Variants in SUSD3 observed in about 807,000 individuals in gnomAD.
The protein encoded by SUSD3 is sushi domain containing 3.
A neutral mutation model predicts 20.6 loss-of-function variants in SUSD3; 18 were observed. That is an observed-to-expected ratio of 0.87 (90% CI 0.60 to 1.30). SUSD3 has a LOEUF of 1.30. Ranked by LOEUF, SUSD3 falls within the 50% of genes most tolerant of loss-of-function variation. The pLI is 0.00. For synonymous variants in SUSD3, 137 were observed against 141.5 expected, an observed-to-expected ratio of 0.97 and a Z score of 0.23; for missense variants, 306 against 346.9, an observed-to-expected ratio of 0.88 and a Z score of 0.94.
intron 1 of SUSD3, among the ~76,000 whole-genome samples, chr9:93,061,409 G>A (rs1298565933): frequency 2.6e-5 from 4 of 152,278 alleles, no homozygotes; most frequent in Non-Finnish European, 5.9e-5. Flanking sequence ...AAGAGCTGCT[G>A]GTAGAAGGCA....
chr9:93,076,921 G>C (rs1269683864), intron 2 of SUSD3, among the ~76,000 whole-genome samples: 1 of 152,236 alleles, frequency 6.6e-6, no homozygotes, highest in South Asian at 2.1e-4. Context: ...GGGCCAAAGA[G>C]CAGGCCCCAG....
intron 1 of SUSD3, among the ~76,000 whole-genome samples, chr9:93,059,672 C>T (rs1220288213): frequency 2.6e-5 from 4 of 152,150 alleles, no homozygotes; most frequent in Admixed American, 1.3e-4. Context: ...GGCTAAGGCT[C>T]TGCGCAGGAG....
chr9:93,078,212 A>G (rs950064004), intron 3 of SUSD3, among the ~76,000 whole-genome samples: 1 of 152,222 alleles, frequency 6.6e-6, no homozygotes, highest in Non-Finnish European at 1.5e-5. Context: ...TGGGCCCCCA[A>G]GGCCCTGCTC....
intron 4 of SUSD3, among the ~76,000 whole-genome samples, chr9:93,080,610 C>T (rs1050988895): frequency 6.6e-6 from 1 of 152,260 alleles, no homozygotes; most frequent in African/African-American, 2.4e-5. Flanking sequence ...ATGGGCCAGG[C>T]TGCCCCCACG....
In SUSD3 at chr9:93,084,744, G is replaced by A; in HGVS notation, c.765G>A (p.Gly255=). ...MPQQPAAYAL[G] is the part of the protein sequence containing the mutation. ...AACAGCCCGCAGCATATGCCCTAGG[G>A]TGACCACGCAGTGAGGCTGGTGCCC... Residue 255 remains glycine, a synonymous_variant, in exon 5 of 5, where the codon GGG becomes GGA. Coordinates refer to ENST00000375472, the MANE Select transcript of SUSD3 (RefSeq NM_145006.4). The A allele has an allele frequency of 6.6e-7, 1 of 1,513,856 alleles. No homozygotes were observed. Among genetic ancestry groups the A allele is most frequent in the African/African-American group, 1.4e-5 (1 of 71,698 alleles). The allele number at this position is 1,513,856 out of a possible 1,614,324, so 93.8% of individuals were successfully genotyped here. A position where few individuals can be genotyped will look rare whatever the true frequency, so the allele number is the denominator to read the frequency against.
chr9:93,074,037 G>A (rs954745316), intron 1 of SUSD3, among the ~76,000 whole-genome samples: 1 of 152,174 alleles, frequency 6.6e-6, no homozygotes, highest in African/African-American at 2.4e-5. Context: ...CACATGTAAG[G>A]CAGGTGCAAT....
intron 1 of SUSD3, among the ~76,000 whole-genome samples, chr9:93,073,082 C>T (rs980508671): frequency 6.6e-6 from 1 of 152,022 alleles, no homozygotes; most frequent in Admixed American, 6.6e-5. Context: ...CTGCATGCCC[C>T]AGTTTTTGTC....
At chr9:93,077,753 G>A in intron 2 of SUSD3, 93 bp from the exon 3 acceptor site, 1 of 1,417,436 alleles carries the variant, frequency 7.1e-7, no homozygotes, top group South Asian at 1.3e-5. Flanking sequence ...CTACACCCAG[G>A]CCCTACCCGT....
intron 2 of SUSD3, among the ~76,000 whole-genome samples, chr9:93,076,960 C>T (rs1390540749): frequency 6.6e-6 from 1 of 152,222 alleles, no homozygotes; most frequent in African/African-American, 2.4e-5. Flanking sequence ...TAGAAGTTGC[C>T]CCACATCACT....
intron 1 of SUSD3, chr9:93,069,023 A>G (rs1282700961): frequency 1.5e-6 from 1 of 667,312 alleles, no homozygotes; most frequent in Non-Finnish European, 2.7e-6. Flanking sequence ...CTCTCTCTAA[A>G]TATCTTAATA....
chr9:93,075,907 G>A lies in SUSD3; in HGVS notation c.212G>A (p.Gly71Glu). 1 of 1,613,988 alleles carries A rather than the reference G, an allele frequency of 6.2e-7. No individual in the cohort carries two copies. ...CPSNHQMVGS[G>E]LLTCTWKGSI... ...TCCAACCACCAGATGGTGGGGTCTGGGCTCCTCACCTGCACCTGGAAGGGG... is the reference window on the plus strand; with the variant it reads ...TCCAACCACCAGATGGTGGGGTCTGAGCTCCTCACCTGCACCTGGAAGGGG... Residue 71 changes from glycine (G) to glutamate (E), a missense_variant, in exon 2 of 5, where the codon GGG becomes GAG. Coordinates refer to ENST00000375472, the MANE Select transcript of SUSD3 (RefSeq NM_145006.4).
At position 93,084,723 on chromosome 9, in the gene SUSD3, GC is replaced by G. The variant is rs774679009; in HGVS notation, c.747del (p.Ala250GlnfsTer5). The G allele has an allele frequency of 3.1e-6, 5 of 1,587,722 alleles. No individual in the cohort carries two copies. Among genetic ancestry groups the G allele is most frequent in the African/African-American group, 1.3e-5 (1 of 74,374 alleles). ...GGCTGGCCACAGGAATGCCACAACA[GC>G]CCGCAGCATATGCCCTAGGGTGACC... is the stretch of plus-strand genomic sequence containing the variant. ...SGLATGMPQQ[P>X]AAYALG On this transcript the variant is annotated frameshift_variant, in exon 5 of 5. Coordinates refer to ENST00000375472, the MANE Select transcript of SUSD3 (RefSeq NM_145006.4). LOFTEE classifies it low-confidence loss of function (END_TRUNC).
At chr9:93,070,283 TGA>T (rs1284530679) in intron 1 of SUSD3, among the ~76,000 whole-genome samples, 8 of 152,232 alleles carry the variant, frequency 5.3e-5, no homozygotes, top group African/African-American at 1.9e-4. Flanking sequence ...TCCACCTCTC[TGA>T]GCCTTATCTG....
At chr9:93,064,337 C>T (rs902848448) in intron 1 of SUSD3, among the ~76,000 whole-genome samples, 2 of 152,222 alleles carry the variant, frequency 1.3e-5, no homozygotes, top group Middle Eastern at 3.2e-3. Flanking sequence ...TGAGCCACCG[C>T]ACCCAGCCGA....
intron 2 of SUSD3, among the ~76,000 whole-genome samples, chr9:93,076,309 G>GTTCA (rs35809322): frequency 0.059 from 8,994 of 151,410 alleles, 328 homozygotes; most frequent in Middle Eastern, 0.086. Flanking sequence ...AACTATGTTT[G>GTTCA]TTCATTCATT....
At chr9:93,059,167 C>T (rs1263555094) in intron 1 of SUSD3, among the ~76,000 whole-genome samples, 1 of 151,796 alleles carries the variant, frequency 6.6e-6, no homozygotes, top group East Asian at 2.0e-4. Context: ...GCGCCCCTCC[C>T]GGGGAAGTCG....
At chr9:93,075,566 A>T (rs971817610) in intron 1 of SUSD3, among the ~76,000 whole-genome samples, 1 of 151,336 alleles carries the variant, frequency 6.6e-6, no homozygotes. Flanking sequence ...AATCCTCAAC[A>T]TCTAGAGTGT....
At chr9:93,059,011 G>A (rs1425273730) in intron 1 of SUSD3, among the ~76,000 whole-genome samples, 181 bp downstream of exon 1, 2 of 152,206 alleles carry the variant, frequency 1.3e-5, no homozygotes, top group African/African-American at 4.8e-5. Context: ...CGGAGCCGAA[G>A]CCTGGCAGCG....
In SUSD3 at chr9:93,070,066, A is replaced by T. The variant is rs567745767; in HGVS notation, c.89-5718A>T. 1.5e-3 allele frequency among the ~76,000 whole-genome samples: 236 copies of T among 152,312 alleles called. 1 individual carries two copies. Among genetic ancestry groups the T allele is most frequent in the Non-Finnish European group, 2.6e-3 (177 of 68,036 alleles). ...AGTGCTGGGATTACAGGCATGAGCC[A>T]CCATGCCTGGCCGAGCCATTTGTTT... On this transcript the variant is annotated intron_variant, in intron 1 of 4. Coordinates refer to ENST00000375472, the MANE Select transcript of SUSD3 (RefSeq NM_145006.4).
Sources: gnomAD v4.1 joint callset for allele counts (sites outside exome capture counted in the v4.1 genomes callset) on GRCh38, gnomAD v4.1.1 for gene constraint, MANE v1.5 for transcripts, NCBI Gene and HGNC (gene_info 2026-07-23, HGNC 2026-07-21) for gene names.